ARAP1: variants seen among roughly 807,000 people sequenced by gnomAD.
ARAP1 encodes arf-GAP with Rho-GAP domain, ANK repeat and PH domain-containing protein 1.
Under a neutral mutation model 172.2 loss-of-function variants are expected in ARAP1, and 76 were observed. The ratio of observed to expected loss-of-function variants is 0.44; its 90% CI spans 0.37 to 0.53. The LOEUF (loss-of-function observed/expected upper bound fraction) is 0.53, where lower values mean the gene tolerates loss of function less well. Ranked by LOEUF, ARAP1 falls within the 20% of genes least tolerant of loss-of-function variation. The pLI is 0.00. For missense variants in ARAP1, 1,686 were observed against 1,977.5 expected, an observed-to-expected ratio of 0.85 and a Z score of 2.80; for synonymous variants, 804 against 803.3, an observed-to-expected ratio of 1.00 and a Z score of -0.01.
rs149126406 is a variant in ARAP1 at position 72,693,335 on chromosome 11, T to C, written c.3944A>G (p.Lys1315Arg). 5.1e-5 allele frequency: 83 copies of C among 1,613,600 alleles called. No individual in the cohort carries two copies. The highest frequency in any genetic ancestry group is 6.6e-5 in the South Asian group (6 of 91,074). ...AGCGGGGCCACTTACCCGGACCTCC[T>C]TGTAGAGCCGCAAGCAGCTGCTGTT... ...ILNSSCLRLY[K>R]EVRSQRPWSG... Residue 1315 changes from lysine (K) to arginine (R), a missense_variant, in exon 29 of 35, where the codon AAG (lysine) becomes AGG (arginine). Lys to Arg is a conservative substitution (Grantham distance 26, BLOSUM62 2). Transcript: ENST00000393609. The surrounding 1 kb of genome is among the most constrained non-coding windows in gnomAD (Gnocchi z 4.6).
At position 72,701,523 on chromosome 11, in the gene ARAP1, C is replaced by T. The variant is rs557037704; in HGVS notation, c.2302+126G>A. 6.0e-4 allele frequency: 800 copies of T among 1,338,596 alleles called. 1 individual carries two copies. The highest frequency in any genetic ancestry group is 9.4e-4 in the South Asian group (67 of 71,168). 82.9% of individuals were successfully genotyped at this position (1,338,596 alleles called of 1,614,324 possible). ...GGAAGTACCTACTGTGTACCACAGA[C>T]TATATCCAGGAAGCCCTCTAGGGTG... On this transcript the variant is annotated intron_variant, in intron 16 of 34. Coordinates refer to ENST00000393609, the MANE Select transcript of ARAP1 (RefSeq NM_001040118.3).
intron 2 of ARAP1, among the ~76,000 whole-genome samples, chr11:72,727,716 T>C (rs912302090): frequency 4.6e-5 from 7 of 152,176 alleles, no homozygotes; most frequent in Admixed American, 4.6e-4. Context: ...GGAAGTGAAA[T>C]GCTGTGGGAC....
chr11:72,740,011 G>A (rs1858153664), intron 1 of ARAP1, among the ~76,000 whole-genome samples: 1 of 152,214 alleles, frequency 6.6e-6, no homozygotes, highest in African/African-American at 2.4e-5. Flanking sequence ...GGGACTGTGG[G>A]GAGCAGGGGG....
chr11:72,731,478 G>A (rs74576049), intron 2 of ARAP1, among the ~76,000 whole-genome samples: 3,623 of 152,212 alleles, frequency 0.024, 83 homozygotes, highest in Middle Eastern at 0.054. Context: ...GCCTGCTCCC[G>A]CTTTGCCTTC....
In ARAP1 at chr11:72,725,162, C is replaced by G. The variant is rs1857647588; in HGVS notation, c.509+1458G>C. 6.6e-6 allele frequency among the ~76,000 whole-genome samples: 1 copy of G among 152,190 alleles called. No individual in the cohort carries two copies. The highest frequency in any genetic ancestry group is 2.4e-5 in the African/African-American group (1 of 41,442). ...CAAGCAGGAACCCAGGCCTCCACTG[C>G]CCGTCCGGGAGTCACAGGAAGGGCC... On this transcript the variant is annotated intron_variant, in intron 3 of 34. Transcript: ENST00000393609. The surrounding 1 kb of genome is among the most constrained non-coding windows in gnomAD (Gnocchi z 4.3).
chr11:72,738,579 T>C (rs1858106266), intron 1 of ARAP1, among the ~76,000 whole-genome samples: 1 of 152,048 alleles, frequency 6.6e-6, no homozygotes, highest in Admixed American at 6.6e-5. Context: ...ACCACCTCCC[T>C]TATACAGCCT....
chr11:72,749,909 T>C (rs1858486228), intron 1 of ARAP1, among the ~76,000 whole-genome samples: 9 of 151,556 alleles, frequency 5.9e-5, no homozygotes. Flanking sequence ...CTCTCCCCTT[T>C]CCCCCAGAGA....
At chr11:72,724,626 A>G (rs1857633239) in intron 3 of ARAP1, among the ~76,000 whole-genome samples, 1 of 151,946 alleles carries the variant, frequency 6.6e-6, no homozygotes, top group Non-Finnish European at 1.5e-5. Flanking sequence ...AGTTTTTCCT[A>G]CCACAGGGCT....
chr11:72,706,554 A>C (rs958554801), intron 12 of ARAP1, among the ~76,000 whole-genome samples: 2 of 152,116 alleles, frequency 1.3e-5, no homozygotes, highest in African/African-American at 2.4e-5. Context: ...ACCCTCTCGC[A>C]TTTCATCTTC....
chr11:72,745,273 C>G (rs1858324556), intron 1 of ARAP1, among the ~76,000 whole-genome samples: 1 of 149,000 alleles, frequency 6.7e-6, no homozygotes, highest in Admixed American at 6.7e-5. Flanking sequence ...ACTGCAAGCT[C>G]CGCCTCACGG....
chr11:72,712,554 C>A lies in ARAP1; in HGVS notation c.762G>T (p.Pro254=). ...RVMTKKEEPP[P]SRVPRAVRVA... Reference sequence around the variant, plus strand: ...CGCGCACGGCCCGTGGGACTCGGCTCGGTGGGGGCTCCTCCTGCCCCCGAG... The same window carrying A: ...CGCGCACGGCCCGTGGGACTCGGCTAGGTGGGGGCTCCTCCTGCCCCCGAG... The change falls in exon 6 of 35, where the codon CCG becomes CCT. Residue 254 remains proline (P), a synonymous_variant. Coordinates refer to ENST00000393609, the MANE Select transcript of ARAP1 (RefSeq NM_001040118.3). 1.2e-6 allele frequency: 2 copies of A among 1,612,988 alleles called. No homozygotes were observed. The highest frequency in any genetic ancestry group is 2.2e-5 in the East Asian group (1 of 44,852).
chr11:72,731,042 T>C (rs916437226), intron 2 of ARAP1, among the ~76,000 whole-genome samples: 7 of 152,078 alleles, frequency 4.6e-5, no homozygotes, highest in Non-Finnish European at 8.8e-5. Flanking sequence ...AGGGGGAGCA[T>C]GGAGTAGTGT....
chr11:72,697,927 C>T lies in ARAP1; in HGVS notation c.2721G>A (p.Arg907=), dbSNP rs776982013. 6.2e-7 allele frequency: 1 copy of T among 1,604,898 alleles called. No individual in the cohort carries two copies. Among genetic ancestry groups the T allele is most frequent in the South Asian group, 1.1e-5 (1 of 90,236 alleles). ...EGPCEEPLQL[R]KLQELSIQGD... is the part of the protein sequence containing the mutation. ...TCCACGCACAAAGCTCCTGCAGTTT[C>T]CGTAGTTGCAGCGGCTCTTCGCAGG... Residue 907 remains arginine, a synonymous_variant, in exon 19 of 35, where the codon CGG becomes CGA. Coordinates refer to ENST00000393609, the MANE Select transcript of ARAP1 (RefSeq NM_001040118.3).
intron 3 of ARAP1, among the ~76,000 whole-genome samples, chr11:72,715,887 A>C (rs556130390): frequency 6.6e-6 from 1 of 152,176 alleles, no homozygotes; most frequent in Non-Finnish European, 1.5e-5. Flanking sequence ...ACCTTCATAC[A>C]AATGGCTGGG....
chr11:72,715,663 C>T (rs1165862651), intron 3 of ARAP1, among the ~76,000 whole-genome samples: 2 of 151,804 alleles, frequency 1.3e-5, no homozygotes, highest in Middle Eastern at 3.4e-3. Context: ...CTCAAACTCC[C>T]GAGTTCAAGT....
chr11:72,748,041 C>G (rs1858422173), intron 1 of ARAP1, among the ~76,000 whole-genome samples: 1 of 152,218 alleles, frequency 6.6e-6, no homozygotes, highest in African/African-American at 2.4e-5. Context: ...AATGGATGAT[C>G]TTGGACAAAT....
Position 72,696,987 on chromosome 11 carries a change from G to A in ARAP1, c.3162C>T (p.Ala1054=), listed in dbSNP as rs761557617. ...GGCACGGGCTGCAGGGCCCACCTGA[G>A]GCCTCCAGCCAGGTTAGGCGCTGGG... The part of the protein sequence containing the change: ...TRAQRLTWLE[A]SEIEDEEEKV... Residue 1054 remains alanine, a synonymous_variant, in exon 22 of 35, where the codon GCC becomes GCT. Transcript: ENST00000393609. The A allele has an allele frequency of 7.5e-6, 12 of 1,604,282 alleles. No individual in the cohort carries two copies. The South Asian group carries it at 1.3e-4, about 18-fold the overall frequency.
chr11:72,705,657 C>T (rs1339125057), intron 13 of ARAP1, 148 bp downstream of exon 13: 2 of 825,208 alleles, frequency 2.4e-6, no homozygotes, highest in Non-Finnish European at 3.6e-6. Flanking sequence ...ATTGCTTTTC[C>T]GAAATCCCCA....
At chr11:72,751,330 T>C (rs1785212) in intron 1 of ARAP1, among the ~76,000 whole-genome samples, 55,733 of 152,018 alleles carry the variant, frequency 0.37, 12,921 homozygotes, top group African/African-American at 0.65. Flanking sequence ...AGCTACGCCC[T>C]CGCCTTTGGA....
Sources: allele counts gnomAD v4.1 joint callset (sites outside exome capture counted in the v4.1 genomes callset), GRCh38; gene constraint gnomAD v4.1.1; non-coding constraint Gnocchi (gnomAD v3.1); transcripts MANE v1.5; gene names NCBI Gene and HGNC (gene_info 2026-07-23, HGNC 2026-07-21).